NUAK1: variants seen among roughly 807,000 people sequenced by gnomAD.
NUAK1 encodes the protein NUAK family SNF1-like kinase 1.
NUAK1 carries 26 observed loss-of-function variants against 56.9 expected under a neutral mutation model. That is an observed-to-expected ratio of 0.46 (90% CI 0.33 to 0.63). The LOEUF (loss-of-function observed/expected upper bound fraction) is 0.63. Among genes scored for constraint, NUAK1 ranks in the 30% least tolerant of loss-of-function variants. The pLI, the probability that NUAK1 is intolerant of heterozygous loss-of-function variation, is 0.02. For synonymous variants in NUAK1, 337 were observed against 336.0 expected (o/e 1.00, Z -0.03); for missense variants, 727 against 876.1 (o/e 0.83, Z 2.15).
intron 4 of NUAK1, among the ~76,000 whole-genome samples, chr12:106,079,598 A>G (rs1262538437): frequency 6.6e-6 from 1 of 152,200 alleles, no homozygotes; most frequent in Non-Finnish European, 1.5e-5. Context: ...AAGAAGCCAG[A>G]GAGAGCTTGG....
chr12:106,123,850 A>G lies in NUAK1; in HGVS notation c.240+14564T>C, dbSNP rs536038583. Among the ~76,000 whole-genome samples, 22 of 152,302 alleles carry G rather than the reference A, an allele frequency of 1.4e-4. No homozygotes were observed. In the East Asian group the frequency reaches 3.9e-3, roughly 27 times the overall value. On this transcript the variant is annotated intron_variant, in intron 1 of 6. Transcript: ENST00000261402. ...TGATGGTCATTTTGTCCTTGGCTACAACGTCCCACTGGGCCCGAGACACTG... is the reference window on the plus strand; with the variant it reads ...TGATGGTCATTTTGTCCTTGGCTACGACGTCCCACTGGGCCCGAGACACTG...
intron 4 of NUAK1, among the ~76,000 whole-genome samples, chr12:106,082,171 G>A (rs1363770172): frequency 2.0e-5 from 3 of 152,182 alleles, no homozygotes; most frequent in Non-Finnish European, 2.9e-5. Context: ...CACAGTAACA[G>A]TTCAGAAAAT....
intron 1 of NUAK1, among the ~76,000 whole-genome samples, chr12:106,137,970 G>T (rs544594036): frequency 1.1e-4 from 16 of 152,164 alleles, no homozygotes; most frequent in Non-Finnish European, 2.2e-4. Context: ...TGGGTGGAAG[G>T]GGGTAGGGAC....
At chr12:106,080,552 T>C (rs1160131615) in intron 4 of NUAK1, among the ~76,000 whole-genome samples, 1 of 152,166 alleles carries the variant, frequency 6.6e-6, no homozygotes, top group Admixed American at 6.5e-5. Flanking sequence ...ACCGACTGTG[T>C]GAATATTTTT....
chr12:106,084,016 G>A, intron 3 of NUAK1, 87 bp from the exon 4 acceptor site: 6 of 1,117,716 alleles, frequency 5.4e-6, no homozygotes. Context: ...GTGAGCAAAG[G>A]GAAATGTCTG....
At chr12:106,082,585 A>G (rs2032527995) in intron 4 of NUAK1, among the ~76,000 whole-genome samples, 1 of 152,148 alleles carries the variant, frequency 6.6e-6, no homozygotes, top group Non-Finnish European at 1.5e-5. Flanking sequence ...CCAGAAATAG[A>G]CCCTGCGATT....
In NUAK1 at chr12:106,089,426, A is replaced by G. The variant is rs78402384; in HGVS notation, c.362-2541T>C. On this transcript the variant is annotated intron_variant, in intron 2 of 6. Coordinates refer to ENST00000261402, the MANE Select transcript of NUAK1 (RefSeq NM_014840.3). ...AGACACAAACACAATTCGGTTCAAT[A>G]CAGTCCAATACACCAAATATTTTAC... is the stretch of plus-strand genomic sequence containing the variant. 3.2e-4 allele frequency among the ~76,000 whole-genome samples: 49 copies of G among 152,334 alleles called. No individual in the cohort carries two copies. In the East Asian group the frequency reaches 9.3e-3, roughly 29 times the overall value.
intron 1 of NUAK1, among the ~76,000 whole-genome samples, chr12:106,117,985 G>GT (rs1287583705): frequency 2.0e-5 from 3 of 152,126 alleles, no homozygotes; most frequent in Non-Finnish European, 4.4e-5. Flanking sequence ...GATGACTATC[G>GT]TAAGTCTTAA....
intron 2 of NUAK1, among the ~76,000 whole-genome samples, chr12:106,092,924 T>C (rs2032651124): frequency 6.6e-6 from 1 of 152,206 alleles, no homozygotes; most frequent in Non-Finnish European, 1.5e-5. Context: ...ACTTACTGAT[T>C]TTTCTGAAAT....
At chr12:106,086,696 C>A in intron 3 of NUAK1, 38 bp downstream of exon 3, 1 of 1,576,594 alleles carries the variant, frequency 6.3e-7, no homozygotes, top group Non-Finnish European at 8.7e-7. Context: ...CCATAAAAAC[C>A]ATCTACGGCC....
chr12:106,131,558 T>C (rs1011236369), intron 1 of NUAK1, among the ~76,000 whole-genome samples: 13 of 152,212 alleles, frequency 8.5e-5, no homozygotes, highest in African/African-American at 2.7e-4. Context: ...TCCAAAAATA[T>C]TCCATAAATA....
chr12:106,085,484 G>A (rs1330510295), intron 3 of NUAK1, among the ~76,000 whole-genome samples: 1 of 152,154 alleles, frequency 6.6e-6, no homozygotes. Context: ...TTTATATGAA[G>A]AAGTTGACTC....
chr12:106,130,708 G>T (rs572395124), intron 1 of NUAK1, among the ~76,000 whole-genome samples: 2 of 152,258 alleles, frequency 1.3e-5, no homozygotes, highest in African/African-American at 4.8e-5. Flanking sequence ...TAGGAGAGGG[G>T]CTGCTTCTGG....
chr12:106,124,017 G>A (rs563760295), intron 1 of NUAK1, among the ~76,000 whole-genome samples: 3 of 152,240 alleles, frequency 2.0e-5, no homozygotes, highest in South Asian at 4.1e-4. Flanking sequence ...AGACTGTGCC[G>A]CCACCAGAGA....
intron 1 of NUAK1, among the ~76,000 whole-genome samples, chr12:106,119,541 T>G (rs1032388632): frequency 1.3e-5 from 2 of 152,014 alleles, no homozygotes; most frequent in Admixed American, 1.3e-4. Flanking sequence ...TCACAGAAAA[T>G]CTGTAGGGAA....
chr12:106,131,757 C>T (rs765587815), intron 1 of NUAK1, among the ~76,000 whole-genome samples: 25 of 152,194 alleles, frequency 1.6e-4, no homozygotes, highest in Non-Finnish European at 2.8e-4. Context: ...AGTGGAAATG[C>T]CCAGCCCTGG....
chr12:106,096,507 T>C (rs1035801381), intron 2 of NUAK1, among the ~76,000 whole-genome samples: 1 of 152,180 alleles, frequency 6.6e-6, no homozygotes, highest in Non-Finnish European at 1.5e-5. Flanking sequence ...TTGGATCCAG[T>C]CTGCAGGGAC....
intron 1 of NUAK1, among the ~76,000 whole-genome samples, chr12:106,110,322 C>G (rs866371707): frequency 3.3e-5 from 5 of 152,096 alleles, no homozygotes; most frequent in Non-Finnish European, 5.9e-5. Context: ...GAAAACCTAC[C>G]AAGTACCGGC....
chr12:106,067,042 A>G lies in NUAK1; in HGVS notation c.1746T>C (p.Ser582=), dbSNP rs771011341. 4 of 1,614,046 alleles carry G rather than the reference A, an allele frequency of 2.5e-6. No individual in the cohort carries two copies. In the South Asian group the frequency reaches 4.4e-5, roughly 18 times the overall value. Residue 582 remains serine, a synonymous_variant, in exon 7 of 7, where the codon TCT becomes TCC. Coordinates refer to ENST00000261402, the MANE Select transcript of NUAK1 (RefSeq NM_014840.3). This position sits in a 1 kb window ranked among gnomAD's most constrained non-coding sequence, Gnocchi z 6.0. ...ISDDSVLSSD[S]FDLLDLQENR... is the part of the protein sequence containing the mutation. The stretch of plus-strand genomic sequence containing the variant: ...TCTCCTGCAAATCCAGCAAGTCAAA[A>G]GAGTCGCTGGACAGCACGCTGTCAT...
Sources: gnomAD v4.1 joint callset for allele counts (sites outside exome capture counted in the v4.1 genomes callset) on GRCh38, gnomAD v4.1.1 for gene constraint, Gnocchi (gnomAD v3.1) non-coding constraint, MANE v1.5 for transcripts, NCBI Gene and HGNC (gene_info 2026-07-23, HGNC 2026-07-21) for gene names.